H3-3A: variants seen among roughly 807,000 people sequenced by gnomAD.
H3-3A encodes H3.3 histone A, also known as histone H3.3.
For missense variants in H3-3A, 7 were observed against 184.0 expected, an observed-to-expected ratio of 0.04 and a Z score of 5.57; for synonymous variants, 49 against 61.4, an observed-to-expected ratio of 0.80 and a Z score of 0.95.
rs1233949753 is a variant in H3-3A, at chr1:226,071,554, T to C, written c.*75T>C. The C allele has an allele frequency of 4.7e-6, 3 of 640,510 alleles. No homozygotes were observed. Among genetic ancestry groups the C allele is most frequent in the African/African-American group, 1.9e-5 (1 of 51,904 alleles). The allele number at this position is 640,510 out of a possible 1,614,324, so 39.7% of individuals were successfully genotyped here. ...TTTCTCTTCTTCCTGTTATTGGTAG[T>C]TCTGAACGTTAGATATTTTTTTTCC... is the stretch of plus-strand genomic sequence containing the variant. On this transcript the variant is annotated 3_prime_UTR_variant, in exon 4 of 4. Coordinates refer to ENST00000366815, the MANE Select transcript of H3-3A (RefSeq NM_002107.7).
chr1:226,062,229 C>T, upstream of H3-3A: 1 of 150,736 alleles, frequency 6.6e-6, no homozygotes. Flanking sequence ...CGGGGGCGCG[C>T]GCCGGGGCCC....
chr1:226,063,367 G>T (rs911375112), intron 1 of H3-3A, among the ~76,000 whole-genome samples: 4 of 152,174 alleles, frequency 2.6e-5, no homozygotes, highest in Non-Finnish European at 5.9e-5. Flanking sequence ...TTAAAAGAGG[G>T]ACGTTTTTTT....
intron 2 of H3-3A, among the ~76,000 whole-genome samples, chr1:226,065,334 GA>G (rs1160439894): frequency 1.3e-5 from 2 of 151,954 alleles, no homozygotes; most frequent in Non-Finnish European, 2.9e-5. Context: ...AAATTGAGGG[GA>G]GCCAACTTCT....
chr1:226,070,985 T>G (rs1288574690), intron 3 of H3-3A, among the ~76,000 whole-genome samples: 2 of 152,206 alleles, frequency 1.3e-5, no homozygotes, highest in African/African-American at 4.8e-5. Flanking sequence ...ATGGGGTATT[T>G]GGATTGGACA....
intron 3 of H3-3A, among the ~76,000 whole-genome samples, chr1:226,069,427 C>G (rs962713868): frequency 6.6e-6 from 1 of 152,148 alleles, no homozygotes; most frequent in African/African-American, 2.4e-5. Context: ...AGAGAAATAA[C>G]TTTTCCTTAT....
intron 3 of H3-3A, among the ~76,000 whole-genome samples, chr1:226,069,384 T>G (rs1316227985): frequency 6.6e-6 from 1 of 152,114 alleles, no homozygotes; most frequent in Non-Finnish European, 1.5e-5. Context: ...AATGCAACTA[T>G]AAGACTGTTT....
intron 3 of H3-3A, among the ~76,000 whole-genome samples, chr1:226,069,812 C>T (rs1658046950): frequency 6.6e-6 from 1 of 152,124 alleles, no homozygotes; most frequent in Non-Finnish European, 1.5e-5. Flanking sequence ...GCCAGGGCTA[C>T]AGAGCAAGAC....
intron 3 of H3-3A, chr1:226,066,561 C>A (rs1657931048): frequency 6.6e-6 from 1 of 152,178 alleles, no homozygotes; most frequent in Non-Finnish European, 1.5e-5. Flanking sequence ...CTACAAGATA[C>A]TTGATAAAGG....
At chr1:226,064,565 T>G in intron 2 of H3-3A, 86 bp downstream of exon 2, 1 of 1,201,904 alleles carries the variant, frequency 8.3e-7, no homozygotes, top group Non-Finnish European at 1.2e-6. Context: ...ACAGGAAAAC[T>G]TTTTGCTTTA....
chr1:226,064,524 G>A, intron 2 of H3-3A, 45 bp downstream of exon 2: 1 of 1,521,534 alleles, frequency 6.6e-7, no homozygotes. Flanking sequence ...TCTCTTGTAT[G>A]TATCCACATA....
intron 3 of H3-3A, among the ~76,000 whole-genome samples, chr1:226,070,361 A>G (rs1022649827): frequency 1.3e-5 from 2 of 152,010 alleles, no homozygotes; most frequent in Non-Finnish European, 2.9e-5. Flanking sequence ...AGCCCGAGCT[A>G]CTCGGGAGGC....
intron 2 of H3-3A, among the ~76,000 whole-genome samples, 195 bp downstream of exon 2, chr1:226,064,674 A>T (rs1046181638): frequency 6.6e-6 from 1 of 152,194 alleles, no homozygotes; most frequent in Non-Finnish European, 1.5e-5. Flanking sequence ...TTTTATTGAA[A>T]ACGTTTAACT....
chr1:226,066,668 A>C, intron 3 of H3-3A: 1 of 152,232 alleles, frequency 6.6e-6, no homozygotes, highest in East Asian at 1.9e-4. Context: ...CAGTAAAGCT[A>C]CCACCTCCAT....
chr1:226,066,136 C>T (rs1029077536), intron 3 of H3-3A: 8 of 438,016 alleles, frequency 1.8e-5, no homozygotes, highest in Non-Finnish European at 2.9e-5. Flanking sequence ...TTAAGAAGAA[C>T]TTGAGACTAG....
chr1:226,064,563 A>G, intron 2 of H3-3A, 84 bp downstream of exon 2: 1 of 1,222,388 alleles, frequency 8.2e-7, no homozygotes, highest in Non-Finnish European at 1.1e-6. Context: ...TAACAGGAAA[A>G]CTTTTTGCTT....
At chr1:226,063,731 G>C (rs1250067117) in intron 1 of H3-3A, among the ~76,000 whole-genome samples, 1 of 152,208 alleles carries the variant, frequency 6.6e-6, no homozygotes, top group Non-Finnish European at 1.5e-5. Flanking sequence ...TCACTGCGAA[G>C]CCTGTGAGGA....
intron 1 of H3-3A, among the ~76,000 whole-genome samples, chr1:226,063,727 C>A (rs1295868820): frequency 1.3e-5 from 2 of 152,070 alleles, no homozygotes; most frequent in Non-Finnish European, 2.9e-5. Context: ...TATTTCACTG[C>A]GAAGCCTGTG....
At chr1:226,066,208 C>G (rs377038434) in intron 3 of H3-3A, 18 of 253,582 alleles carry the variant, frequency 7.1e-5, no homozygotes, top group African/African-American at 4.0e-4. Flanking sequence ...AATGTCTCTT[C>G]AGGTCCTGAA....
At chr1:226,063,527 T>A (rs1657812703) in intron 1 of H3-3A, among the ~76,000 whole-genome samples, 1 of 152,148 alleles carries the variant, frequency 6.6e-6, no homozygotes, top group Non-Finnish European at 1.5e-5. Flanking sequence ...GTTTTGCGAT[T>A]GTTTCCATTT....
Sources: allele counts gnomAD v4.1 joint callset (sites outside exome capture counted in the v4.1 genomes callset), GRCh38; gene constraint gnomAD v4.1.1; transcripts MANE v1.5; gene names NCBI Gene and HGNC (gene_info 2026-07-23, HGNC 2026-07-21).